Variants in TAFA2 observed in about 807,000 individuals in gnomAD.
The protein encoded by TAFA2 is TAFA chemokine like family member 2.
In TAFA2, 7 loss-of-function variants were observed where a neutral mutation model predicts 18.8. That is an observed-to-expected ratio of 0.37 (90% confidence interval 0.21 to 0.70). The LOEUF is 0.70. Among genes scored for constraint, TAFA2 ranks in the 30% least tolerant of loss-of-function variants. The probability of loss-of-function intolerance (pLI) is 0.53; values close to 1 mark genes in which losing one functional copy is unlikely to be tolerated. For synonymous variants in TAFA2, 60 were observed against 54.2 expected (o/e 1.11, Z -0.47); for missense variants, 122 against 158.1 (o/e 0.77, Z 1.23).
At chr12:62,242,783 A>G (rs1402453643) in intron 1 of TAFA2, among the ~76,000 whole-genome samples, 2 of 152,244 alleles carry the variant, frequency 1.3e-5, no homozygotes, top group African/African-American at 2.4e-5. Context: ...GGCATAGTCT[A>G]TAAGGGTTAA....
chr12:61,738,567 C>G (rs1005548599), intron 4 of TAFA2, among the ~76,000 whole-genome samples: 1 of 152,000 alleles, frequency 6.6e-6, no homozygotes, highest in Non-Finnish European at 1.5e-5. Context: ...TGTCTGATGG[C>G]TATAAATAAG....
At chr12:61,922,096 G>C (rs1471861007) in intron 1 of TAFA2, among the ~76,000 whole-genome samples, 1 of 141,470 alleles carries the variant, frequency 7.1e-6, no homozygotes, top group Non-Finnish European at 1.5e-5. Context: ...GACCAGATTC[G>C]ATTTTGTGTA....
At chr12:61,808,731 G>A (rs539380870) in intron 2 of TAFA2, among the ~76,000 whole-genome samples, 2 of 151,424 alleles carry the variant, frequency 1.3e-5, no homozygotes, top group East Asian at 3.9e-4. Context: ...ATGCAAGATG[G>A]GTTACAGAAG....
At chr12:61,878,284 T>A (rs1270076006) in intron 1 of TAFA2, 1 of 291,300 alleles carries the variant, frequency 3.4e-6, no homozygotes, top group African/African-American at 2.2e-5. Flanking sequence ...GTACAAAAAA[T>A]GGCTACAATG....
At chr12:61,808,226 G>T (rs1267365029) in intron 2 of TAFA2, among the ~76,000 whole-genome samples, 1 of 151,482 alleles carries the variant, frequency 6.6e-6, no homozygotes, top group East Asian at 1.9e-4. Flanking sequence ...CATGAGATCT[G>T]ATGATATTAT....
intron 1 of TAFA2, among the ~76,000 whole-genome samples, chr12:61,929,815 C>G (rs886951584): frequency 2.0e-5 from 3 of 152,184 alleles, no homozygotes; most frequent in African/African-American, 7.2e-5. Flanking sequence ...CCATGGAATA[C>G]TATGCAGCCA....
intron 1 of TAFA2, among the ~76,000 whole-genome samples, chr12:61,996,554 G>C (rs1033945445): frequency 6.6e-6 from 1 of 152,160 alleles, no homozygotes; most frequent in Non-Finnish European, 1.5e-5. Context: ...CCAGTCTTCT[G>C]TGTCTCAGGT....
intron 2 of TAFA2, among the ~76,000 whole-genome samples, chr12:61,760,875 A>G (rs1869514466): frequency 6.6e-6 from 1 of 151,804 alleles, no homozygotes; most frequent in Admixed American, 6.6e-5. Context: ...AGTCACCAAA[A>G]AAAAAAAAAA....
chr12:61,795,518 G>A (rs1871153994), intron 2 of TAFA2, among the ~76,000 whole-genome samples: 1 of 151,978 alleles, frequency 6.6e-6, no homozygotes, highest in Non-Finnish European at 1.5e-5. Context: ...CTCATAGGTG[G>A]GAACTGAACA....
chr12:61,947,624 T>G (rs187123949), intron 1 of TAFA2, among the ~76,000 whole-genome samples: 16 of 152,246 alleles, frequency 1.1e-4, no homozygotes. Context: ...CCCACTCTAA[T>G]TCACTGGGCC....
At chr12:61,795,497 A>ACT (rs1189129743) in intron 2 of TAFA2, among the ~76,000 whole-genome samples, 382 of 151,968 alleles carry the variant, frequency 2.5e-3, no homozygotes, top group African/African-American at 8.7e-3. Context: ...ACCAAACACC[A>ACT]CATGTTCTCA....
intron 1 of TAFA2, among the ~76,000 whole-genome samples, chr12:62,071,918 T>C (rs77882723): frequency 4.0e-4 from 61 of 152,302 alleles, no homozygotes; most frequent in African/African-American, 1.4e-3. Context: ...CCTAGAACAT[T>C]AGTTCTTGAT....
At chr12:61,904,036 T>C (rs1473447417) in intron 1 of TAFA2, among the ~76,000 whole-genome samples, 2 of 152,286 alleles carry the variant, frequency 1.3e-5, no homozygotes, top group East Asian at 3.9e-4. Context: ...AAAGCTCTTC[T>C]TTTCAGACAC....
intron 2 of TAFA2, among the ~76,000 whole-genome samples, chr12:61,848,272 TTTAA>T (rs1385064641): frequency 1.3e-5 from 2 of 152,220 alleles, no homozygotes; most frequent in African/African-American, 4.8e-5. Context: ...TGACCCATAC[TTTAA>T]TTTTCTTTCC....
chr12:62,049,166 G>C (rs1265138099), intron 1 of TAFA2, among the ~76,000 whole-genome samples: 1 of 152,130 alleles, frequency 6.6e-6, no homozygotes, highest in African/African-American at 2.4e-5. Flanking sequence ...TGGATTTACT[G>C]AATGAGCCAT....
intron 1 of TAFA2, among the ~76,000 whole-genome samples, chr12:61,903,606 C>T (rs1876210249): frequency 6.6e-6 from 1 of 151,892 alleles, no homozygotes; most frequent in Admixed American, 6.6e-5. Flanking sequence ...TTTTTAAAGC[C>T]CCTCTCCTTA....
chr12:62,032,282 A>AG (rs980226299), intron 1 of TAFA2, among the ~76,000 whole-genome samples: 21 of 152,320 alleles, frequency 1.4e-4, no homozygotes, highest in Non-Finnish European at 2.5e-4. Context: ...ACTTCATTTA[A>AG]GTAATATGAC....
chr12:61,900,221 A>G (rs775532832), intron 1 of TAFA2, among the ~76,000 whole-genome samples: 5 of 152,218 alleles, frequency 3.3e-5, no homozygotes, highest in Admixed American at 1.3e-4. Context: ...GGACTTATGC[A>G]TGAGAAAAAA....
intron 1 of TAFA2, among the ~76,000 whole-genome samples, chr12:62,230,417 T>C (rs933087511): frequency 1.3e-5 from 2 of 152,178 alleles, no homozygotes; most frequent in African/African-American, 4.8e-5. Flanking sequence ...GTTTTCATTT[T>C]CATCTCTTTC....
Sources: allele counts gnomAD v4.1 joint callset (sites outside exome capture counted in the v4.1 genomes callset), GRCh38; gene constraint gnomAD v4.1.1; transcripts MANE v1.5; gene names NCBI Gene and HGNC (gene_info 2026-07-23, HGNC 2026-07-21).